DLEC1: variants seen among roughly 807,000 people sequenced by gnomAD.
The protein encoded by DLEC1 is DLEC1 cilia and flagella associated protein, also known as deleted in lung and esophageal cancer protein 1.
A neutral mutation model predicts 198.1 loss-of-function variants in DLEC1; 146 were observed. The ratio of observed to expected loss-of-function variants is 0.74; its 90% CI spans 0.64 to 0.85. DLEC1 has a LOEUF of 0.85. Ranked by LOEUF, DLEC1 falls within the 40% of genes least tolerant of loss-of-function variation. The probability of loss-of-function intolerance (pLI) is 0.00; values close to 1 mark genes in which losing one functional copy is unlikely to be tolerated. For synonymous variants in DLEC1, 897 were observed against 866.8 expected, an observed-to-expected ratio of 1.03 and a Z score of -0.61; for missense variants, 2,233 against 2,220.0, an observed-to-expected ratio of 1.01 and a Z score of -0.12.
chr3:38,121,806 C>T (rs1186302534), intron 35 of DLEC1, 25 bp downstream of exon 35: 2 of 1,612,174 alleles, frequency 1.2e-6, no homozygotes, highest in Non-Finnish European at 1.7e-6. Flanking sequence ...GCCACCTACC[C>T]ACCGTTCCCC....
intron 7 of DLEC1, 105 bp downstream of exon 7, chr3:38,084,350 A>AGTG (rs1339502734): frequency 2.0e-6 from 2 of 993,026 alleles, no homozygotes; most frequent in African/African-American, 3.7e-5. Flanking sequence ...TGATAGTAGT[A>AGTG]GTGGTGGTGG....
chr3:38,107,095 A>G (rs1437235938), intron 19 of DLEC1, among the ~76,000 whole-genome samples: 25 of 152,204 alleles, frequency 1.6e-4, no homozygotes, highest in Non-Finnish European at 1.5e-5. Flanking sequence ...TGGTAGTTTC[A>G]ACAAATTCCT....
At chr3:38,053,131 G>A (rs951112617) in intron 2 of DLEC1, among the ~76,000 whole-genome samples, 2 of 152,058 alleles carry the variant, frequency 1.3e-5, no homozygotes, top group Non-Finnish European at 2.9e-5. Context: ...GCGTGATCTC[G>A]GCTCGCTACA....
At chr3:38,078,360 T>A (rs922942631) in intron 6 of DLEC1, among the ~76,000 whole-genome samples, 6 of 152,224 alleles carry the variant, frequency 3.9e-5, no homozygotes, top group Admixed American at 3.9e-4. Flanking sequence ...CAGCAGCCGC[T>A]GCACGCAGAC....
At position 38,123,389 on chromosome 3, in the gene DLEC1, C is replaced by T; in HGVS notation, c.*977C>T. 4.4e-6 allele frequency: 2 copies of T among 450,340 alleles called. No individual in the cohort carries two copies. The highest frequency in any genetic ancestry group is 3.8e-5 in the Admixed American group (1 of 26,062). 27.9% of individuals were successfully genotyped at this position (450,340 alleles called of 1,614,324 possible). A position where few individuals can be genotyped will look rare whatever the true frequency, so the allele number is the denominator to read the frequency against. On this transcript the variant is annotated 3_prime_UTR_variant, in exon 37 of 37. Transcript: ENST00000308059. ...TTCAGGGTGTTTCTGTGTGCATGTT[C>T]CCCTCCCCAGGGATCGATCATAATC...
chr3:38,087,339 A>G (rs1200673142), intron 9 of DLEC1, among the ~76,000 whole-genome samples: 1 of 129,186 alleles, frequency 7.7e-6, no homozygotes, highest in African/African-American at 2.7e-5. Context: ...GCATGCTCAC[A>G]CCATCCATCA....
At chr3:38,070,504 G>T (rs571774067) in intron 6 of DLEC1, among the ~76,000 whole-genome samples, 12 of 152,296 alleles carry the variant, frequency 7.9e-5, no homozygotes, top group African/African-American at 2.9e-4. Context: ...TTTCATGCAC[G>T]TCCGTGTGAA....
chr3:38,058,391 G>T (rs1160399263), intron 2 of DLEC1, among the ~76,000 whole-genome samples: 1 of 152,178 alleles, frequency 6.6e-6, no homozygotes, highest in Non-Finnish European at 1.5e-5. Flanking sequence ...GCTCTTGAGT[G>T]TGTCTGCACT....
intron 6 of DLEC1, among the ~76,000 whole-genome samples, chr3:38,082,943 A>G (rs918324003): frequency 3.9e-5 from 6 of 152,192 alleles, no homozygotes; most frequent in African/African-American, 9.7e-5. Context: ...CCGGCGCCGG[A>G]GTTTTGGGTC....
Position 38,088,390 on chromosome 3 carries a change from T to C in DLEC1, c.1665+2T>C. The C allele has an allele frequency of 1.2e-6, 2 of 1,609,700 alleles. No individual in the cohort carries two copies. Among genetic ancestry groups the C allele is most frequent in the Non-Finnish European group, 1.7e-6 (2 of 1,176,752 alleles). On this transcript the variant is annotated splice_donor_variant, in intron 10 of 36. Transcript: ENST00000308059. LOFTEE classifies it high-confidence loss of function. ...CCGGGACATGCTATATTAGTGGAGG[T>C]AGGTAATCAGACATTGGCATGTATT...
At chr3:38,104,031 A>G (rs1254008585) in intron 19 of DLEC1, among the ~76,000 whole-genome samples, 1 of 152,244 alleles carries the variant, frequency 6.6e-6, no homozygotes, top group East Asian at 1.9e-4. Flanking sequence ...AATGACATTG[A>G]TAGGCTTGCT....
At chr3:38,067,717 A>C (rs1697099967) in intron 6 of DLEC1, among the ~76,000 whole-genome samples, 1 of 150,932 alleles carries the variant, frequency 6.6e-6, no homozygotes, top group Non-Finnish European at 1.5e-5. Context: ...CAGGTTAATC[A>C]GACTTTTACA....
chr3:38,073,661 T>C (rs1388485892), intron 6 of DLEC1, among the ~76,000 whole-genome samples: 2 of 152,114 alleles, frequency 1.3e-5, no homozygotes, highest in Non-Finnish European at 2.9e-5. Context: ...TGGGGATAAC[T>C]GAAAAAGAGT....
Position 38,120,628 on chromosome 3 carries a change from T to G in DLEC1, c.4866+19T>G. On this transcript the variant is annotated intron_variant, in intron 34 of 36. Transcript: ENST00000308059. ...CACTCAGGCACGCCCCAGGCCCACC[T>G]ACATGTGGAGGAGGGTGGAAGTGGG... The G allele has an allele frequency of 1.9e-6, 3 of 1,612,208 alleles. No homozygotes were observed. The highest frequency in any genetic ancestry group is 2.5e-6 in the Non-Finnish European group (3 of 1,179,706).
chr3:38,114,243 T>C, intron 25 of DLEC1, 99 bp from the exon 26 acceptor site: 1 of 1,142,736 alleles, frequency 8.8e-7, no homozygotes, highest in African/African-American at 1.5e-5. Flanking sequence ...GACCAAACTG[T>C]GGGGCCCCTG....
At chr3:38,083,460 G>T (rs1444999135) in intron 6 of DLEC1, among the ~76,000 whole-genome samples, 1 of 152,202 alleles carries the variant, frequency 6.6e-6, no homozygotes, top group Admixed American at 6.5e-5. Context: ...ATCACTTAAG[G>T]CAAGGATGGG....
intron 16 of DLEC1, 84 bp from the exon 17 acceptor site, chr3:38,097,423 T>C: frequency 6.3e-7 from 1 of 1,590,022 alleles, no homozygotes; most frequent in South Asian, 1.2e-5. Flanking sequence ...GAGAAGTCTG[T>C]GCAAGCCAGA....
intron 6 of DLEC1, among the ~76,000 whole-genome samples, chr3:38,064,445 T>A (rs566411358): frequency 1.0e-4 from 16 of 152,386 alleles, no homozygotes; most frequent in Admixed American, 8.5e-4. Flanking sequence ...TGATCTCTCT[T>A]TCTTTTCCCC....
chr3:38,097,663 G>T, intron 17 of DLEC1, 26 bp downstream of exon 17: 1 of 1,614,098 alleles, frequency 6.2e-7, no homozygotes, highest in Middle Eastern at 1.7e-4. Context: ...CTGGGCAGTG[G>T]GGTGGGCCCA....
Sources: allele counts gnomAD v4.1 joint callset (sites outside exome capture counted in the v4.1 genomes callset), GRCh38; gene constraint gnomAD v4.1.1; transcripts MANE v1.5; gene names NCBI Gene and HGNC (gene_info 2026-07-23, HGNC 2026-07-21).